UNC5C: variants seen among roughly 807,000 people sequenced by gnomAD.
The protein encoded by UNC5C is unc-5 netrin receptor C.
UNC5C carries 47 observed loss-of-function variants against 99.8 expected under a neutral mutation model. The observed-to-expected ratio is 0.47, with a 90% CI of 0.37 to 0.60. The LOEUF is 0.60. Among genes scored for constraint, UNC5C ranks in the 20% least tolerant of loss-of-function variants. The pLI is 0.00. For missense variants in UNC5C, 1,062 were observed against 1,165.9 expected (o/e 0.91, Z 1.30); for synonymous variants, 487 against 452.2 (o/e 1.08, Z -0.98).
At chr4:95,206,431 C>T (rs1579230735) in intron 11 of UNC5C, among the ~76,000 whole-genome samples, 197 bp downstream of exon 11, 1 of 152,108 alleles carries the variant, frequency 6.6e-6, no homozygotes, top group Non-Finnish European at 1.5e-5. Context: ...AATGAGTGAC[C>T]ATCATTTTCT....
At chr4:95,476,357 A>G (rs955860873) in intron 1 of UNC5C, among the ~76,000 whole-genome samples, 29 of 152,014 alleles carry the variant, frequency 1.9e-4, no homozygotes, top group Non-Finnish European at 2.9e-4. Context: ...GGCATCTACC[A>G]TCTCCACAGG....
intron 1 of UNC5C, among the ~76,000 whole-genome samples, chr4:95,397,557 T>G (rs920012219): frequency 6.6e-6 from 1 of 152,224 alleles, no homozygotes; most frequent in African/African-American, 2.4e-5. Context: ...ACGTACATCC[T>G]AAATATATTC....
At chr4:95,481,703 C>T (rs1234542641) in intron 1 of UNC5C, among the ~76,000 whole-genome samples, 1 of 152,044 alleles carries the variant, frequency 6.6e-6, no homozygotes, top group East Asian at 1.9e-4. Context: ...GAAATAACGC[C>T]GCATATCTAC....
chr4:95,476,684 C>A (rs183212419), intron 1 of UNC5C, among the ~76,000 whole-genome samples: 1 of 152,152 alleles, frequency 6.6e-6, no homozygotes, highest in Admixed American at 6.6e-5. Context: ...AGGCATGCAA[C>A]TACTTCAAAT....
intron 2 of UNC5C, among the ~76,000 whole-genome samples, chr4:95,323,291 G>T (rs370537466): frequency 3.9e-5 from 6 of 152,242 alleles, no homozygotes; most frequent in African/African-American, 1.4e-4. Context: ...CACGACCCCG[G>T]ATTTCATGGA....
intron 4 of UNC5C, among the ~76,000 whole-genome samples, chr4:95,273,703 C>T (rs1285838577): frequency 6.6e-6 from 1 of 152,100 alleles, no homozygotes; most frequent in Non-Finnish European, 1.5e-5. Context: ...TAGAGTATTC[C>T]TGGGATTTGT....
chr4:95,285,944 G>T (rs1741219573), intron 3 of UNC5C, among the ~76,000 whole-genome samples: 1 of 152,070 alleles, frequency 6.6e-6, no homozygotes, highest in Non-Finnish European at 1.5e-5. Context: ...CTGGGTTTAG[G>T]TCCTGACCCT....
chr4:95,209,547 C>T (rs901201095), intron 10 of UNC5C, among the ~76,000 whole-genome samples: 1 of 152,176 alleles, frequency 6.6e-6, no homozygotes, highest in African/African-American at 2.4e-5. Context: ...TTTCCGTTCT[C>T]TTTAAATAAC....
intron 1 of UNC5C, among the ~76,000 whole-genome samples, chr4:95,424,879 C>T (rs1051534213): frequency 2.0e-5 from 3 of 151,954 alleles, no homozygotes; most frequent in Non-Finnish European, 2.9e-5. Flanking sequence ...ACAGGAGGTG[C>T]TCCTAACTTA....
intron 5 of UNC5C, 131 bp downstream of exon 5, chr4:95,250,356 G>T: frequency 1.0e-6 from 1 of 975,148 alleles, no homozygotes; most frequent in Non-Finnish European, 1.5e-6. Context: ...TTGCACGCCA[G>T]CCTGGGTGAC....
intron 1 of UNC5C, among the ~76,000 whole-genome samples, chr4:95,544,187 T>C (rs1378468361): frequency 6.6e-6 from 1 of 152,188 alleles, no homozygotes; most frequent in Non-Finnish European, 1.5e-5. Context: ...GTTAAATGTC[T>C]TGCTCATAGT....
At chr4:95,516,363 G>T (rs567247376) in intron 1 of UNC5C, among the ~76,000 whole-genome samples, 1 of 152,126 alleles carries the variant, frequency 6.6e-6, no homozygotes, top group Non-Finnish European at 1.5e-5. Context: ...GGGACAGAAG[G>T]TTCTTTGGTT....
At chr4:95,307,551 A>G (rs1742105746) in intron 2 of UNC5C, among the ~76,000 whole-genome samples, 1 of 152,172 alleles carries the variant, frequency 6.6e-6, no homozygotes, top group Non-Finnish European at 1.5e-5. Flanking sequence ...TTTAAGAAGA[A>G]CTAAACTTAA....
At chr4:95,426,421 A>G (rs978059844) in intron 1 of UNC5C, among the ~76,000 whole-genome samples, 4 of 152,220 alleles carry the variant, frequency 2.6e-5, no homozygotes, top group Non-Finnish European at 4.4e-5. Context: ...AATTAAGCCA[A>G]TTAATAACCC....
At chr4:95,340,585 T>G (rs545780068) in intron 1 of UNC5C, among the ~76,000 whole-genome samples, 1 of 152,300 alleles carries the variant, frequency 6.6e-6, no homozygotes, top group South Asian at 2.1e-4. Context: ...TCATTTAAAT[T>G]CAAGTCGTTG....
chr4:95,539,453 A>G (rs1170337325), intron 1 of UNC5C, among the ~76,000 whole-genome samples: 1 of 152,222 alleles, frequency 6.6e-6, no homozygotes, highest in African/African-American at 2.4e-5. Flanking sequence ...CTTTTCTCAG[A>G]AAAGTAAGAT....
intron 1 of UNC5C, among the ~76,000 whole-genome samples, chr4:95,398,145 C>T (rs768961112): frequency 6.0e-4 from 88 of 147,770 alleles, no homozygotes; most frequent in Middle Eastern, 3.5e-3. Context: ...TAAACACATG[C>T]AAATGAAAAC....
intron 4 of UNC5C, among the ~76,000 whole-genome samples, chr4:95,264,821 A>G (rs748349572): frequency 6.6e-6 from 1 of 152,160 alleles, no homozygotes; most frequent in Non-Finnish European, 1.5e-5. Flanking sequence ...AAACAGCTCC[A>G]CTGTCCCTCT....
At chr4:95,225,771 C>T (rs916188955) in intron 7 of UNC5C, among the ~76,000 whole-genome samples, 1 of 152,174 alleles carries the variant, frequency 6.6e-6, no homozygotes. Flanking sequence ...TAAGTGTACT[C>T]ACCAAAGGTT....
Sources: allele counts gnomAD v4.1 joint callset (sites outside exome capture counted in the v4.1 genomes callset), GRCh38; gene constraint gnomAD v4.1.1; transcripts MANE v1.5; gene names NCBI Gene and HGNC (gene_info 2026-07-23, HGNC 2026-07-21).